ZSWIM5: variants seen among roughly 807,000 people sequenced by gnomAD.
ZSWIM5 encodes zinc finger SWIM domain-containing protein 5.
In ZSWIM5, 55 loss-of-function variants were observed where a neutral mutation model predicts 119.6. The ratio of observed to expected loss-of-function variants is 0.46; its 90% CI spans 0.37 to 0.58. The LOEUF (loss-of-function observed/expected upper bound fraction) is 0.58. Ranked by LOEUF, ZSWIM5 falls within the 20% of genes least tolerant of loss-of-function variation. The probability of loss-of-function intolerance (pLI) is 0.00; values close to 1 mark genes in which losing one functional copy is unlikely to be tolerated. For synonymous variants in ZSWIM5, 537 were observed against 606.9 expected, an observed-to-expected ratio of 0.88 and a Z score of 1.69; for missense variants, 1,193 against 1,512.8, an observed-to-expected ratio of 0.79 and a Z score of 3.51.
At chr1:45,118,500 G>A (rs1011367897) in intron 1 of ZSWIM5, among the ~76,000 whole-genome samples, 16 of 151,960 alleles carry the variant, frequency 1.1e-4, no homozygotes, top group East Asian at 3.9e-4. Flanking sequence ...CCAGTACTTC[G>A]GGATACCGAG....
intron 11 of ZSWIM5, among the ~76,000 whole-genome samples, chr1:45,024,736 C>A (rs1417121548): frequency 6.6e-6 from 1 of 152,080 alleles, no homozygotes; most frequent in Non-Finnish European, 1.5e-5. Flanking sequence ...CTAACTGCAA[C>A]CTCCGCCTCC....
chr1:45,150,458 T>C (rs539919908), intron 1 of ZSWIM5, among the ~76,000 whole-genome samples: 1 of 152,214 alleles, frequency 6.6e-6, no homozygotes, highest in East Asian at 1.9e-4. Flanking sequence ...TTGAACACAA[T>C]TACCATATGA....
intron 6 of ZSWIM5, among the ~76,000 whole-genome samples, chr1:45,042,994 T>TA (rs751544233): frequency 1.2e-4 from 18 of 152,278 alleles, no homozygotes; most frequent in Admixed American, 2.6e-4. Context: ...CCTCAAAACT[T>TA]AGAGGACAGG....
Position 45,034,338 on chromosome 1 carries a change from G to A in ZSWIM5, c.2423C>T (p.Ala808Val). Residue 808 changes from alanine (A) to valine (V), a missense_variant, in exon 11 of 14, where the codon GCC (alanine) becomes GTC (valine). Coordinates refer to ENST00000359600, the MANE Select transcript of ZSWIM5 (RefSeq NM_020883.2). ...GHLESQQCEL[A>V]STMLTAAKGD... ...TTTGGCAGCAGTCAGCATGGTGGAG[G>A]CCAGTTCACACTGCTGTGATTCCAA... 3 of 1,612,204 alleles carry A rather than the reference G, an allele frequency of 1.9e-6. No individual in the cohort carries two copies. Among genetic ancestry groups the A allele is most frequent in the Non-Finnish European group, 2.5e-6 (3 of 1,179,152 alleles).
chr1:45,052,858 A>C (rs1645097592), intron 4 of ZSWIM5, among the ~76,000 whole-genome samples: 1 of 151,986 alleles, frequency 6.6e-6, no homozygotes, highest in Admixed American at 6.6e-5. Flanking sequence ...GCAGTGGCTC[A>C]CTCCTGTAAT....
At chr1:45,114,207 TG>T (rs1278656406) in intron 1 of ZSWIM5, among the ~76,000 whole-genome samples, 1 of 152,096 alleles carries the variant, frequency 6.6e-6, no homozygotes, top group Non-Finnish European at 1.5e-5. Flanking sequence ...CATGGAAGGT[TG>T]GGGAGAAGAT....
intron 5 of ZSWIM5, among the ~76,000 whole-genome samples, chr1:45,047,893 G>A (rs557831784): frequency 9.5e-4 from 145 of 152,100 alleles, no homozygotes; most frequent in Non-Finnish European, 1.7e-3. Context: ...AAAATTTTAG[G>A]AAAAAGATGG....
chr1:45,122,527 T>C (rs1645598846), intron 1 of ZSWIM5, among the ~76,000 whole-genome samples: 1 of 151,884 alleles, frequency 6.6e-6, no homozygotes, highest in African/African-American at 2.4e-5. Context: ...ATAAAAAGAC[T>C]CTGAAAGGTG....
intron 1 of ZSWIM5, among the ~76,000 whole-genome samples, chr1:45,182,130 G>A (rs1646023487): frequency 6.6e-6 from 1 of 152,208 alleles, no homozygotes; most frequent in Admixed American, 6.5e-5. Context: ...AAAAGACACA[G>A]ACTGGGCCGG....
intron 1 of ZSWIM5, among the ~76,000 whole-genome samples, chr1:45,183,846 C>G (rs1646038762): frequency 6.6e-6 from 1 of 152,184 alleles, no homozygotes; most frequent in Non-Finnish European, 1.5e-5. Flanking sequence ...ACCATTCCTT[C>G]TGAAACTATT....
chr1:45,096,432 GTT>G, intron 1 of ZSWIM5, among the ~76,000 whole-genome samples: 1 of 133,374 alleles, frequency 7.5e-6, no homozygotes, highest in Non-Finnish European at 1.6e-5. Context: ...GTAGATAACT[GTT>G]TGTGTGTGTG....
At chr1:45,032,643 G>A (rs547217002) in intron 11 of ZSWIM5, among the ~76,000 whole-genome samples, 11 of 151,680 alleles carry the variant, frequency 7.3e-5, no homozygotes, top group South Asian at 2.1e-4. Flanking sequence ...GCACTACCAC[G>A]CCCAGCTAAT....
intron 4 of ZSWIM5, among the ~76,000 whole-genome samples, chr1:45,056,191 A>T (rs981230856): frequency 6.6e-6 from 1 of 152,222 alleles, no homozygotes; most frequent in African/African-American, 2.4e-5. Flanking sequence ...GTGACCACAG[A>T]TAATTTTTTA....
At chr1:45,170,685 T>C (rs1340720184) in intron 1 of ZSWIM5, among the ~76,000 whole-genome samples, 3 of 152,080 alleles carry the variant, frequency 2.0e-5, no homozygotes, top group South Asian at 2.1e-4. Flanking sequence ...TGCCTTGGCC[T>C]TCCAAAGTGC....
At chr1:45,071,971 G>T (rs1223904428) in intron 2 of ZSWIM5, among the ~76,000 whole-genome samples, 2 of 152,150 alleles carry the variant, frequency 1.3e-5, no homozygotes. Flanking sequence ...TCATATGGTA[G>T]CTCTGTTTAG....
chr1:45,130,365 AAC>A (rs3051045), intron 1 of ZSWIM5, among the ~76,000 whole-genome samples: 55,829 of 149,572 alleles, frequency 0.37, 10,493 homozygotes, highest in Middle Eastern at 0.5. Context: ...GAACACTTAA[AAC>A]ACACACACAC....
chr1:45,133,570 C>T (rs932351161), intron 1 of ZSWIM5, among the ~76,000 whole-genome samples: 1 of 152,170 alleles, frequency 6.6e-6, no homozygotes, highest in Non-Finnish European at 1.5e-5. Flanking sequence ...TGCCTGTTCA[C>T]TCTGATGGTA....
At chr1:45,166,682 C>G (rs1046664410) in intron 1 of ZSWIM5, among the ~76,000 whole-genome samples, 1 of 152,026 alleles carries the variant, frequency 6.6e-6, no homozygotes, top group African/African-American at 2.4e-5. Flanking sequence ...CAATAACAGA[C>G]AAACAGAGAG....
At chr1:45,204,748 C>T (rs932374133) in intron 1 of ZSWIM5, among the ~76,000 whole-genome samples, 50 of 152,102 alleles carry the variant, frequency 3.3e-4, no homozygotes, top group Non-Finnish European at 1.2e-4. Flanking sequence ...TCAATTAATA[C>T]GAGCATATAG....
Sources: allele counts gnomAD v4.1 joint callset (sites outside exome capture counted in the v4.1 genomes callset), GRCh38; gene constraint gnomAD v4.1.1; transcripts MANE v1.5; gene names NCBI Gene and HGNC (gene_info 2026-07-23, HGNC 2026-07-21).